PTPRT: variants seen among roughly 807,000 people sequenced by gnomAD.
The protein encoded by PTPRT is receptor-type tyrosine-protein phosphatase T.
In PTPRT, 56 loss-of-function variants were observed where a neutral mutation model predicts 176.8. That is an observed-to-expected ratio of 0.32 (90% CI 0.26 to 0.40). PTPRT has a LOEUF of 0.40. Ranked by LOEUF, PTPRT falls within the 10% of genes least tolerant of loss-of-function variation. The pLI is 1.00. For synonymous variants in PTPRT, 783 were observed against 739.0 expected (o/e 1.06, Z -0.96); for missense variants, 1,540 against 1,908.2 (o/e 0.81, Z 3.60).
rs576676060 is a variant in PTPRT at position 42,952,100 on chromosome 20, C to A, written c.89-66168G>T. Among the ~76,000 whole-genome samples the A allele has an allele frequency of 7.2e-5, 11 of 152,308 alleles. No individual in the cohort carries two copies. The East Asian group carries it at 2.1e-3, about 29-fold the overall frequency. ...AGAGAGACTCAAAGGCATAGCAGGG[C>A]AGGATCATGTGGCCACGCAGTGTCC... On this transcript the variant is annotated intron_variant, in intron 1 of 30. Transcript: ENST00000373187.
intron 2 of PTPRT, among the ~76,000 whole-genome samples, chr20:42,807,761 T>C (rs539797514): frequency 6.6e-6 from 1 of 152,360 alleles, no homozygotes; most frequent in Non-Finnish European, 1.5e-5. Context: ...CATTCATTTG[T>C]TCACTCATTC....
intron 6 of PTPRT, among the ~76,000 whole-genome samples, chr20:42,752,034 T>A (rs1242344802): frequency 6.6e-6 from 1 of 152,104 alleles, no homozygotes; most frequent in Non-Finnish European, 1.5e-5. Context: ...CACTTTCATA[T>A]TTCCTCCCTC....
chr20:42,085,162 G>A (rs1049679700), intron 28 of PTPRT, among the ~76,000 whole-genome samples: 6 of 152,128 alleles, frequency 3.9e-5, no homozygotes, highest in African/African-American at 1.4e-4. Flanking sequence ...AGGCTCATGT[G>A]CCAGAACATG....
chr20:42,924,237 C>T (rs904366324), intron 1 of PTPRT, among the ~76,000 whole-genome samples: 1 of 151,910 alleles, frequency 6.6e-6, no homozygotes, highest in Non-Finnish European at 1.5e-5. Context: ...TTTAACCCTT[C>T]CATTTAAAAA....
intron 5 of PTPRT, among the ~76,000 whole-genome samples, chr20:42,766,292 C>T (rs2076981709): frequency 6.6e-6 from 1 of 152,100 alleles, no homozygotes; most frequent in Non-Finnish European, 1.5e-5. Flanking sequence ...ATGACTGAGC[C>T]CCTTCCACCA....
rs568623365 is a variant in PTPRT at position 42,844,965 on chromosome 20, C to T, written c.214+40842G>A. On this transcript the variant is annotated intron_variant, in intron 2 of 30. Coordinates refer to ENST00000373187, the MANE Select transcript of PTPRT (RefSeq NM_007050.6). The stretch of plus-strand genomic sequence containing the variant: ...AATGTGACAATAGAGTTTGCGGTCT[C>T]CAAGAACCAGCCCTCTGGGAGTGGC... Among the ~76,000 whole-genome samples, 12 of 152,282 alleles carry T rather than the reference C, an allele frequency of 7.9e-5. No individual in the cohort carries two copies. The Middle Eastern group carries it at 0.014, about 173-fold the overall frequency.
chr20:42,341,586 T>C (rs1418969072), intron 11 of PTPRT, among the ~76,000 whole-genome samples: 1 of 151,910 alleles, frequency 6.6e-6, no homozygotes, highest in African/African-American at 2.4e-5. Context: ...TCTGTTCTGT[T>C]TCTCATCTCT....
At chr20:43,128,750 C>T (rs1259854269) in intron 1 of PTPRT, among the ~76,000 whole-genome samples, 1 of 152,080 alleles carries the variant, frequency 6.6e-6, no homozygotes, top group African/African-American at 2.4e-5. Flanking sequence ...TGAAAGACAA[C>T]AAAAAATCAG....
intron 1 of PTPRT, among the ~76,000 whole-genome samples, chr20:42,936,843 T>C (rs951319920): frequency 2.0e-5 from 3 of 152,210 alleles, no homozygotes; most frequent in Admixed American, 6.5e-5. Flanking sequence ...GAGAACAGAA[T>C]TGAAGATTCG....
chr20:42,830,292 C>T (rs528223352), intron 2 of PTPRT, among the ~76,000 whole-genome samples: 1 of 152,312 alleles, frequency 6.6e-6, no homozygotes, highest in South Asian at 2.1e-4. Flanking sequence ...GTTGGTTCAA[C>T]ATGTGCAAAT....
chr20:42,376,376 G>A (rs938261554), intron 9 of PTPRT, among the ~76,000 whole-genome samples: 2 of 152,198 alleles, frequency 1.3e-5, no homozygotes, highest in African/African-American at 4.8e-5. Flanking sequence ...TCCAAAGCAT[G>A]TTCCCTCTCC....
chr20:42,265,386 A>C (rs1445698892), intron 13 of PTPRT, among the ~76,000 whole-genome samples: 1 of 152,208 alleles, frequency 6.6e-6, no homozygotes. Flanking sequence ...GTGACTACTA[A>C]CAGTACTCTA....
At chr20:42,815,301 G>A (rs920776023) in intron 2 of PTPRT, among the ~76,000 whole-genome samples, 1 of 152,122 alleles carries the variant, frequency 6.6e-6, no homozygotes, top group Non-Finnish European at 1.5e-5. Context: ...TGGGGTAGGG[G>A]GGATAGAGTG....
At chr20:42,241,736 G>A (rs2056357810) in intron 14 of PTPRT, among the ~76,000 whole-genome samples, 1 of 152,024 alleles carries the variant, frequency 6.6e-6, no homozygotes. Context: ...CAAGCAGAAG[G>A]AGCAGGATTC....
chr20:42,941,945 G>A (rs1448432338), intron 1 of PTPRT, among the ~76,000 whole-genome samples: 1 of 151,882 alleles, frequency 6.6e-6, no homozygotes, highest in Admixed American at 6.6e-5. Context: ...CCACATCAAA[G>A]TAGCTCTTCT....
chr20:43,042,642 A>C (rs1261468501), intron 1 of PTPRT, among the ~76,000 whole-genome samples: 1 of 151,956 alleles, frequency 6.6e-6, no homozygotes, highest in Non-Finnish European at 1.5e-5. Context: ...TTGGTCAAGC[A>C]CAAGAGCAGC....
intron 7 of PTPRT, among the ~76,000 whole-genome samples, chr20:42,571,466 G>T (rs947821091): frequency 6.6e-6 from 1 of 152,166 alleles, no homozygotes; most frequent in South Asian, 2.1e-4. Flanking sequence ...CCAGTAGGAT[G>T]CATTTCAGAC....
chr20:43,003,332 G>T (rs906594860), intron 1 of PTPRT, among the ~76,000 whole-genome samples: 6 of 152,150 alleles, frequency 3.9e-5, no homozygotes, highest in African/African-American at 1.4e-4. Flanking sequence ...GAATACAGAT[G>T]CATGCCACCA....
intron 1 of PTPRT, among the ~76,000 whole-genome samples, chr20:43,110,330 C>G (rs538704877): frequency 2.0e-5 from 3 of 152,310 alleles, no homozygotes; most frequent in Admixed American, 2.0e-4. Context: ...TCCCGATGAC[C>G]CAACACCTCA....
Sources: gnomAD v4.1 joint callset for allele counts (sites outside exome capture counted in the v4.1 genomes callset) on GRCh38, gnomAD v4.1.1 for gene constraint, MANE v1.5 for transcripts, NCBI Gene and HGNC (gene_info 2026-07-23, HGNC 2026-07-21) for gene names.